CACNA1D: variants seen among roughly 807,000 people sequenced by gnomAD.
CACNA1D encodes the protein calcium voltage-gated channel subunit alpha1 D.
In CACNA1D, 55 loss-of-function variants were observed where a neutral mutation model predicts 257.1. The observed-to-expected ratio is 0.21, with a 90% CI of 0.17 to 0.27. The LOEUF (loss-of-function observed/expected upper bound fraction) is 0.27. Among genes scored for constraint, CACNA1D ranks in the 10% least tolerant of loss-of-function variants. The pLI is 1.00. For synonymous variants in CACNA1D, 980 were observed against 1,014.9 expected, an observed-to-expected ratio of 0.97 and a Z score of 0.65; for missense variants, 1,876 against 2,784.0, an observed-to-expected ratio of 0.67 and a Z score of 7.34.
At chr3:53,607,060 G>A (rs564094597) in intron 3 of CACNA1D, among the ~76,000 whole-genome samples, 55 of 152,240 alleles carry the variant, frequency 3.6e-4, no homozygotes, top group African/African-American at 1.2e-3. Context: ...TCTAAACATT[G>A]GAAACATTGT....
intron 9 of CACNA1D, among the ~76,000 whole-genome samples, chr3:53,706,712 A>G (rs1356498489): frequency 6.6e-6 from 1 of 152,144 alleles, no homozygotes; most frequent in East Asian, 1.9e-4. Context: ...TAGTGTAACC[A>G]TCACCCGAAA....
intron 4 of CACNA1D, among the ~76,000 whole-genome samples, chr3:53,652,260 G>A (rs17053295): frequency 0.015 from 2,272 of 152,168 alleles, 62 homozygotes; most frequent in East Asian, 0.083. Flanking sequence ...TTGCGTCACC[G>A]TGCTATGATC....
At position 53,657,199 on chromosome 3, in the gene CACNA1D, G is replaced by A. The variant is rs112017042; in HGVS notation, c.624-2934G>A. 6.0e-3 allele frequency among the ~76,000 whole-genome samples: 917 copies of A among 152,090 alleles called. 5 individuals carry two copies. The highest frequency in any genetic ancestry group is 8.5e-3 in the Non-Finnish European group (581 of 67,992). ...TGTATTTGTGTAATGGGATATTACA[G>A]AACAACAAAAAGAAATGAACTGCTG... On this transcript the variant is annotated intron_variant, in intron 4 of 47. Transcript: ENST00000350061.
At chr3:53,596,848 G>A (rs893292070) in intron 3 of CACNA1D, among the ~76,000 whole-genome samples, 1 of 152,200 alleles carries the variant, frequency 6.6e-6, no homozygotes, top group Non-Finnish European at 1.5e-5. Context: ...ATAGTAACTT[G>A]TTATAGAAGC....
Position 53,730,516 on chromosome 3 carries a change from AAAG to A in CACNA1D, c.2303_2305del (p.Glu768del), listed in dbSNP as rs2094979672. 1 of 1,614,076 alleles carries A rather than the reference AAAG, an allele frequency of 6.2e-7. No individual in the cohort carries two copies. Among genetic ancestry groups the A allele is most frequent in the Non-Finnish European group, 8.5e-7 (1 of 1,179,968 alleles). ...TGCTGAAAGTCTGAACACTGCTCAG[AAAG>A]AAGAAGCGGAAGAAAAGGAGAGGAA... is the stretch of plus-strand genomic sequence containing the variant. On this transcript the variant is annotated inframe_deletion, in exon 16 of 48. Transcript: ENST00000350061.
chr3:53,749,229 G>C (rs745498593), intron 26 of CACNA1D, 39 bp from the exon 27 acceptor site: 1 of 1,476,860 alleles, frequency 6.8e-7, no homozygotes, highest in East Asian at 2.3e-5. Context: ...TGTGGGCTGG[G>C]GGGCTTGGCA....
intron 40 of CACNA1D, among the ~76,000 whole-genome samples, chr3:53,787,454 T>C (rs1348415612): frequency 6.7e-6 from 1 of 150,234 alleles, no homozygotes; most frequent in Non-Finnish European, 1.5e-5. Context: ...TGTGTGTGTG[T>C]ATGTATGTAT....
At chr3:53,534,101 G>T (rs149147309) in intron 3 of CACNA1D, among the ~76,000 whole-genome samples, 4 of 152,244 alleles carry the variant, frequency 2.6e-5, no homozygotes, top group East Asian at 1.9e-4. Flanking sequence ...GAGTGGGAAG[G>T]CCTCCTTGGA....
intron 8 of CACNA1D, among the ~76,000 whole-genome samples, chr3:53,699,726 C>T (rs1026163401): frequency 6.6e-6 from 1 of 152,204 alleles, no homozygotes; most frequent in Non-Finnish European, 1.5e-5. Flanking sequence ...TCAGAACTGT[C>T]TAAAATCAGT....
intron 3 of CACNA1D, among the ~76,000 whole-genome samples, chr3:53,559,497 C>T (rs936613516): frequency 6.6e-6 from 1 of 152,178 alleles, no homozygotes; most frequent in Non-Finnish European, 1.5e-5. Flanking sequence ...GTTGCAAATT[C>T]TGACCTGACT....
chr3:53,495,042 T>G lies in CACNA1D; in HGVS notation c.-125T>G. 4.0e-6 allele frequency: 2 copies of G among 494,338 alleles called. No homozygotes were observed. The highest frequency in any genetic ancestry group is 8.2e-6 in the Non-Finnish European group (2 of 244,348). The allele number at this position is 494,338 out of a possible 1,614,324, so 30.6% of individuals were successfully genotyped here. ...TCCCCGTCCCTCCCCACCCCCCTGC[T>G]GAAGCGAGAATAAGGGCAGGGACCG... On this transcript the variant is annotated 5_prime_UTR_variant, in exon 1 of 48. Transcript: ENST00000350061. The surrounding 1 kb of genome is among the most constrained non-coding windows in gnomAD (Gnocchi z 5.1).
intron 27 of CACNA1D, among the ~76,000 whole-genome samples, chr3:53,750,899 G>A (rs2095219813): frequency 6.6e-6 from 1 of 152,222 alleles, no homozygotes; most frequent in Non-Finnish European, 1.5e-5. Context: ...GCCTGCTGCA[G>A]AGGGTGGACC....
chr3:53,810,495 G>A (rs556333126), intron 47 of CACNA1D, 197 bp downstream of exon 47: 51 of 643,706 alleles, frequency 7.9e-5, no homozygotes, highest in Middle Eastern at 8.3e-4. Context: ...AGTGGCTTAC[G>A]TCTGTAATCT....
In CACNA1D at chr3:53,802,173, G is replaced by C. The variant is rs568955412; in HGVS notation, c.5435G>C (p.Arg1812Thr). Residue 1812 changes from arginine to threonine, a missense_variant and splice_region_variant, in exon 43 of 48, where the codon AGG becomes ACG. Arg to Thr is a moderately conservative substitution (Grantham distance 71). Around this residue, in one of 10 missense-constraint regions of CACNA1D, gnomAD observed 491 missense variants for 554.3 expected, o/e 0.89. Coordinates refer to ENST00000350061, the MANE Select transcript of CACNA1D (RefSeq NM_001128840.3). ...ACCCGCTATTATGAAACTTACATTA[G>C]GTATGTGCTCATTACCTGTTTTTGT... ...KRTRYYETYI[R>T]SDSGDEQLPT... 4.4e-6 allele frequency: 7 copies of C among 1,606,220 alleles called. No individual in the cohort carries two copies. The South Asian group carries it at 7.7e-5, about 18-fold the overall frequency.
At chr3:53,773,250 G>T (rs1029503114) in intron 33 of CACNA1D, among the ~76,000 whole-genome samples, 1 of 152,124 alleles carries the variant, frequency 6.6e-6, no homozygotes, top group South Asian at 2.1e-4. Context: ...AGTCTGTGCC[G>T]AGCCGTCGCG....
intron 3 of CACNA1D, among the ~76,000 whole-genome samples, chr3:53,509,492 T>G (rs185758260): frequency 6.6e-6 from 1 of 152,328 alleles, no homozygotes; most frequent in East Asian, 1.9e-4. Flanking sequence ...TTTTTGCTAA[T>G]TTTTTCCTTC....
In CACNA1D at chr3:53,811,234, C is replaced by G. The variant is rs1471830095; in HGVS notation, c.6314C>G (p.Thr2105Ser). ...TIDEMESAASTLLNGNVRPRA... is the reference protein window; with the variant it reads ...TIDEMESAASSLLNGNVRPRA... ...GACGAGATGGAGAGTGCAGCCAGCA[C>G]CCTGCTTAATGGGAACGTGCGTCCC... The change falls in exon 48 of 48, where the codon ACC becomes AGC. Residue 2105 changes from threonine (T) to serine (S), a missense_variant. This residue lies in a region of CACNA1D where 491 missense variants were observed against 554.3 expected (regional missense o/e 0.89). Coordinates refer to ENST00000350061, the MANE Select transcript of CACNA1D (RefSeq NM_001128840.3). This position sits in a 1 kb window ranked among gnomAD's most constrained non-coding sequence, Gnocchi z 4.2. 2 of 1,613,956 alleles carry G rather than the reference C, an allele frequency of 1.2e-6. No homozygotes were observed. Among genetic ancestry groups the G allele is most frequent in the Non-Finnish European group, 1.7e-6 (2 of 1,180,038 alleles).
At chr3:53,677,738 T>C (rs2094390586) in intron 8 of CACNA1D, among the ~76,000 whole-genome samples, 1 of 152,170 alleles carries the variant, frequency 6.6e-6, no homozygotes, top group African/African-American at 2.4e-5. Context: ...TTTGACAATG[T>C]TTTTTTGCAC....
intron 8 of CACNA1D, among the ~76,000 whole-genome samples, chr3:53,678,547 G>A (rs978079518): frequency 5.9e-5 from 9 of 152,108 alleles, no homozygotes; most frequent in Non-Finnish European, 1.5e-5. Flanking sequence ...ATGAAGCGAA[G>A]CATTATAGAA....
Sources: gnomAD v4.1 joint callset for allele counts (sites outside exome capture counted in the v4.1 genomes callset) on GRCh38, gnomAD v4.1.1 for gene constraint, gnomAD v4.1.1 regional missense constraint, Gnocchi (gnomAD v3.1) non-coding constraint, MANE v1.5 for transcripts, NCBI Gene and HGNC (gene_info 2026-07-23, HGNC 2026-07-21) for gene names.